The following KRT25 variants were observed in gnomAD, a reference collection of about 807,000 sequenced individuals.
KRT25 encodes keratin 25.
KRT25 carries 37 observed loss-of-function variants against 47.6 expected under a neutral mutation model. The ratio of observed to expected loss-of-function variants is 0.78; its 90% CI spans 0.60 to 1.02. The LOEUF (loss-of-function observed/expected upper bound fraction) is 1.02. Ranked by LOEUF, KRT25 falls within the 50% of genes least tolerant of loss-of-function variation. The probability of loss-of-function intolerance (pLI) is 0.00; values close to 1 mark genes in which losing one functional copy is unlikely to be tolerated. For missense variants in KRT25, 542 were observed against 550.3 expected (o/e 0.98, Z 0.15); for synonymous variants, 203 against 210.2 (o/e 0.97, Z 0.30).
At chr17:40,748,498 A>G (rs2038016912) in intron 7 of KRT25, 112 bp from the exon 8 acceptor site, 2 of 629,542 alleles carry the variant, frequency 3.2e-6, no homozygotes, top group Non-Finnish European at 5.3e-6. Context: ...CACTAAGCAC[A>G]AATACTTAGA....
intron 1 of KRT25, 149 bp downstream of exon 1, chr17:40,754,694 G>C: frequency 1.2e-6 from 1 of 827,292 alleles, no homozygotes; most frequent in East Asian, 2.9e-5. Context: ...CTCCAGCCTG[G>C]GCAACAAGAG....
intron 3 of KRT25, 61 bp downstream of exon 3, chr17:40,753,798 AT>A: frequency 7.2e-7 from 1 of 1,393,696 alleles, no homozygotes; most frequent in Non-Finnish European, 9.8e-7. Flanking sequence ...TATGTACATT[AT>A]CTCCTGTCAG....
intron 7 of KRT25, among the ~76,000 whole-genome samples, chr17:40,748,628 C>T (rs1186202298): frequency 6.6e-6 from 1 of 152,104 alleles, no homozygotes; most frequent in African/African-American, 2.4e-5. Context: ...ATATCTACTA[C>T]AAATCTTTAT....
intron 3 of KRT25, among the ~76,000 whole-genome samples, chr17:40,753,600 C>T (rs1047831163): frequency 7.1e-6 from 1 of 141,076 alleles, no homozygotes; most frequent in Non-Finnish European, 1.5e-5. Flanking sequence ...AGGAGAATGC[C>T]GTGAACCCAG....
In KRT25 at chr17:40,751,263, C is replaced by CG. The variant is rs1331820422; in HGVS notation, c.732dup (p.Gly245ArgfsTer14). ...TTCAGCAGAACTGTGAGGTCCACCCCGGGGGCTGCGTTCATCTCCACGTTC... is the reference window on the plus strand; with the variant it reads ...TTCAGCAGAACTGTGAGGTCCACCCCGGGGGGCTGCGTTCATCTCCACGTTC... On this transcript the variant is annotated frameshift_variant, in exon 4 of 8. Transcript: ENST00000312150. LOFTEE classifies it high-confidence loss of function. The CG allele has an allele frequency of 6.2e-7, 1 of 1,614,148 alleles. No homozygotes were observed. Among genetic ancestry groups the CG allele is most frequent in the African/African-American group, 1.3e-5 (1 of 75,034 alleles).
intron 4 of KRT25, 21 bp downstream of exon 4, chr17:40,751,144 C>T (rs1452719486): frequency 6.2e-7 from 1 of 1,613,974 alleles, no homozygotes; most frequent in South Asian, 1.1e-5. Flanking sequence ...GCAAAGGGAC[C>T]GTTTTCTGGA....
chr17:40,751,875 TGTGC>T lies in KRT25; in HGVS notation c.670-553_670-550del, dbSNP rs1390056002. ...ATAAATGTATGTGTGTGTGTGTGTGTGTGCGTGCGTGTGTGTGTGTGTGTGTGTG... is the reference window on the plus strand; with the variant it reads ...ATAAATGTATGTGTGTGTGTGTGTGTGTGCGTGTGTGTGTGTGTGTGTGTG... On this transcript the variant is annotated intron_variant, in intron 3 of 7. Coordinates refer to ENST00000312150, the MANE Select transcript of KRT25 (RefSeq NM_181534.4). Among the ~76,000 whole-genome samples, 10 of 75,962 alleles carry T rather than the reference TGTGC, an allele frequency of 1.3e-4. No homozygotes were observed. In the South Asian group the frequency reaches 1.7e-3, roughly 13 times the overall value. 49.8% of individuals were successfully genotyped at this position (75,962 alleles called of 152,430 possible).
chr17:40,751,219 G>A lies in KRT25; in HGVS notation c.777C>T (p.Tyr259=), dbSNP rs1209760960. Residue 259 remains tyrosine, a synonymous_variant, in exon 4 of 8, where the codon TAC becomes TAT. Transcript: ENST00000312150. ...TVLLNNMRAE[Y]EALAEQNRRD... ...TGCGGTTCTGCTCTGCAAGGGCTTCGTACTCAGCTCGCATGTTGTTCAGCA... is the reference window on the plus strand; with the variant it reads ...TGCGGTTCTGCTCTGCAAGGGCTTCATACTCAGCTCGCATGTTGTTCAGCA... 6.2e-7 allele frequency: 1 copy of A among 1,614,140 alleles called. No individual in the cohort carries two copies. The highest frequency in any genetic ancestry group is 1.1e-5 in the South Asian group (1 of 91,086).
At chr17:40,750,324 T>A (rs1260807702) in intron 6 of KRT25, 56 bp downstream of exon 6, 15 of 1,566,790 alleles carry the variant, frequency 9.6e-6, no homozygotes, top group Non-Finnish European at 8.8e-7. Flanking sequence ...AAGTGGGATC[T>A]AAGTTGCAAG....
intron 3 of KRT25, among the ~76,000 whole-genome samples, chr17:40,753,175 T>G (rs543885652): frequency 6.6e-6 from 1 of 152,334 alleles, no homozygotes; most frequent in African/African-American, 2.4e-5. Flanking sequence ...AATTGAGATC[T>G]AGTTTTCTAG....
chr17:40,755,053 C>T lies in KRT25; in HGVS notation c.219G>A (p.Gly73=). The change falls in exon 1 of 8, where the codon GGG becomes GGA. Residue 73 remains glycine (G), a synonymous_variant. Transcript: ENST00000312150. ...TCACCTTCTCATTGCCAGAAAGGAG[C>T]CCCCGCTCATTCACAGTGAAGCCAG... ...PCAGFTVNER[G]LLSGNEKVTM... The T allele has an allele frequency of 2.5e-6, 4 of 1,614,120 alleles. No homozygotes were observed. The highest frequency in any genetic ancestry group is 3.4e-6 in the Non-Finnish European group (4 of 1,180,038).
At chr17:40,750,355 C>T in intron 6 of KRT25, 25 bp downstream of exon 6, 2 of 1,609,514 alleles carry the variant, frequency 1.2e-6, no homozygotes, top group South Asian at 1.1e-5. Flanking sequence ...TATATTACGC[C>T]ATCTATGCAG....
chr17:40,751,103 C>T (rs111382295), intron 4 of KRT25, 24 bp from the exon 5 acceptor site: 1 of 1,614,090 alleles, frequency 6.2e-7, no homozygotes, highest in Non-Finnish European at 8.5e-7. Context: ...AGTGAAGGAG[C>T]AAATCTTAGT....
chr17:40,748,869 C>A (rs1055905226), intron 7 of KRT25, among the ~76,000 whole-genome samples: 5 of 152,132 alleles, frequency 3.3e-5, no homozygotes, highest in Non-Finnish European at 7.4e-5. Context: ...TATTATGCAG[C>A]CATGAAAAAG....
intron 3 of KRT25, among the ~76,000 whole-genome samples, chr17:40,753,347 A>C (rs1168551384): frequency 6.6e-6 from 1 of 150,760 alleles, no homozygotes; most frequent in Admixed American, 6.6e-5. Flanking sequence ...TTTTTTCCCC[A>C]TAGGAAACTT....
At chr17:40,752,499 G>A (rs1454658016) in intron 3 of KRT25, among the ~76,000 whole-genome samples, 1 of 152,002 alleles carries the variant, frequency 6.6e-6, no homozygotes, top group African/African-American at 2.4e-5. Flanking sequence ...TTTCCTCCTG[G>A]TTGAAACTAT....
At position 40,750,362 on chromosome 17, in the gene KRT25, G is replaced by A. The variant is rs1198942982; in HGVS notation, c.1175+18C>T. 1 of 1,611,424 alleles carries A rather than the reference G, an allele frequency of 6.2e-7. No individual in the cohort carries two copies. Among genetic ancestry groups the A allele is most frequent in the Non-Finnish European group, 8.5e-7 (1 of 1,177,542 alleles). ...GATTTCAGTATATTACGCCATCTAT[G>A]CAGATTATTTTACCTACCCATCATC... On this transcript the variant is annotated intron_variant, in intron 6 of 7. Transcript: ENST00000312150.
rs1259466134 is a variant in KRT25 at position 40,754,867 on chromosome 17, T to G, written c.405A>C (p.Pro135=). The G allele has an allele frequency of 8.1e-6, 13 of 1,612,690 alleles. No homozygotes were observed. The highest frequency in any genetic ancestry group is 1.1e-5 in the Non-Finnish European group (13 of 1,179,254). The change falls in exon 1 of 8, where the codon CCA becomes CCC. Residue 135 remains proline (P), a synonymous_variant. Coordinates refer to ENST00000312150, the MANE Select transcript of KRT25 (RefSeq NM_181534.4). ...GLDHDYSRYF[P]IIDDLKNQII... is the part of the protein sequence containing the mutation. The stretch of plus-strand genomic sequence containing the variant: ...CCTGATTTTTAAGGTCATCAATTAT[T>G]GGGAAATATCTGCTATAGTCATGAT...
intron 3 of KRT25, among the ~76,000 whole-genome samples, chr17:40,752,104 T>C (rs949595077): frequency 2.6e-5 from 4 of 152,072 alleles, no homozygotes; most frequent in South Asian, 2.1e-4. Context: ...TATCTGAAAA[T>C]TGAGGATAAT....
Sources: gnomAD v4.1 joint callset for allele counts (sites outside exome capture counted in the v4.1 genomes callset) on GRCh38, gnomAD v4.1.1 for gene constraint, MANE v1.5 for transcripts, NCBI Gene and HGNC (gene_info 2026-07-23, HGNC 2026-07-21) for gene names.